The following GRK3 variants were observed in gnomAD, a reference collection of about 807,000 sequenced individuals.
GRK3 encodes G protein-coupled receptor kinase 3.
In GRK3, 54 loss-of-function variants were observed where a neutral mutation model predicts 95.7. The observed-to-expected ratio is 0.56, with a 90% confidence interval of 0.45 to 0.71. The LOEUF is 0.71. GRK3 is among the 30% of genes least tolerant of loss of function. GRK3 has a pLI of 0.00. For synonymous variants in GRK3, 281 were observed against 290.8 expected (o/e 0.97, Z 0.34); for missense variants, 649 against 851.2 (o/e 0.76, Z 2.96).
intron 3 of GRK3, chr22:25,648,358 C>A: frequency 7.7e-7 from 1 of 1,295,548 alleles, no homozygotes; most frequent in Non-Finnish European, 1.1e-6. Flanking sequence ...CACAAGTTAA[C>A]AACTGTGTGT....
chr22:25,688,888 T>G (rs1243754492), intron 11 of GRK3, among the ~76,000 whole-genome samples: 1 of 152,238 alleles, frequency 6.6e-6, no homozygotes, highest in Non-Finnish European at 1.5e-5. Context: ...ACTGACAATT[T>G]GCCAATAGGC....
At chr22:25,689,518 C>T (rs2085148424) in intron 11 of GRK3, among the ~76,000 whole-genome samples, 1 of 152,092 alleles carries the variant, frequency 6.6e-6, no homozygotes, top group South Asian at 2.1e-4. Context: ...ATTAAGATGA[C>T]TATAATTCAA....
At chr22:25,586,730 A>G (rs1233420902) in intron 1 of GRK3, among the ~76,000 whole-genome samples, 3 of 152,256 alleles carry the variant, frequency 2.0e-5, no homozygotes, top group Non-Finnish European at 4.4e-5. Context: ...TTACAGAGTG[A>G]TGGAGCTGTG....
intron 12 of GRK3, 81 bp from the exon 13 acceptor site, chr22:25,695,026 G>T: frequency 1.1e-6 from 1 of 916,260 alleles, no homozygotes; most frequent in African/African-American, 1.6e-5. Context: ...ATCTAATGAA[G>T]GACACCCGGA....
chr22:25,610,042 A>G (rs554515424), intron 2 of GRK3, among the ~76,000 whole-genome samples: 15 of 151,086 alleles, frequency 9.9e-5, no homozygotes, highest in African/African-American at 3.4e-4. Flanking sequence ...AAGGAGACAC[A>G]GGGTTTCACC....
intron 8 of GRK3, among the ~76,000 whole-genome samples, chr22:25,677,822 A>G (rs2085043831): frequency 6.6e-6 from 1 of 152,218 alleles, no homozygotes; most frequent in African/African-American, 2.4e-5. Flanking sequence ...ACTTGCAAGA[A>G]TTCCCTTTTA....
At chr22:25,685,010 T>C (rs1040401007) in intron 9 of GRK3, among the ~76,000 whole-genome samples, 160 bp from the exon 10 acceptor site, 1 of 152,316 alleles carries the variant, frequency 6.6e-6, no homozygotes, top group East Asian at 1.9e-4. Context: ...AACATAGATA[T>C]GTGTCAAAAC....
At chr22:25,706,584 G>A (rs1428143995) in intron 15 of GRK3, among the ~76,000 whole-genome samples, 3 of 152,082 alleles carry the variant, frequency 2.0e-5, no homozygotes, top group Non-Finnish European at 4.4e-5. Flanking sequence ...AGGTTGGAGT[G>A]CAGTGGCACA....
At chr22:25,670,629 T>TCCTCCCTC (rs1176237613) in intron 6 of GRK3, among the ~76,000 whole-genome samples, 5 of 152,038 alleles carry the variant, frequency 3.3e-5, no homozygotes, top group Admixed American at 1.3e-4. Context: ...CTTCCTCCCT[T>TCCTCCCTC]CCTCCCTCTC....
intron 2 of GRK3, among the ~76,000 whole-genome samples, chr22:25,642,397 C>T (rs1487106522): frequency 6.6e-6 from 1 of 152,176 alleles, no homozygotes; most frequent in African/African-American, 2.4e-5. Context: ...CGCGCCATTG[C>T]ACTCCAGCCT....
chr22:25,663,587 G>T, intron 4 of GRK3, 43 bp from the exon 5 acceptor site: 1 of 1,337,148 alleles, frequency 7.5e-7, no homozygotes, highest in South Asian at 1.3e-5. Flanking sequence ...ACACAGATTG[G>T]TTACATTTTA....
intron 1 of GRK3, among the ~76,000 whole-genome samples, chr22:25,574,315 T>C (rs1601444166): frequency 6.6e-6 from 1 of 152,102 alleles, no homozygotes; most frequent in South Asian, 2.1e-4. Flanking sequence ...TGAAACCCTG[T>C]CTCTACCAAA....
chr22:25,612,508 G>T (rs1406024934), intron 2 of GRK3, among the ~76,000 whole-genome samples: 4 of 125,726 alleles, frequency 3.2e-5, no homozygotes, highest in Non-Finnish European at 5.9e-5. Context: ...ATGTCTGCAT[G>T]TGTGTGTGTG....
chr22:25,711,904 C>T (rs1168283607), intron 17 of GRK3, among the ~76,000 whole-genome samples: 1 of 152,176 alleles, frequency 6.6e-6, no homozygotes, highest in East Asian at 1.9e-4. Flanking sequence ...GGCTGCAGCA[C>T]TATTAAAACA....
intron 1 of GRK3, among the ~76,000 whole-genome samples, chr22:25,579,563 C>G (rs1212430349): frequency 2.0e-5 from 3 of 151,924 alleles, no homozygotes; most frequent in Non-Finnish European, 4.4e-5. Context: ...AGCTCCATCT[C>G]CCGGGTTCAC....
intron 3 of GRK3, among the ~76,000 whole-genome samples, chr22:25,657,684 T>C (rs1225929087): frequency 6.6e-6 from 1 of 152,056 alleles, no homozygotes; most frequent in Non-Finnish European, 1.5e-5. Flanking sequence ...GTTTGCTGAG[T>C]TTCTTGAATC....
intron 2 of GRK3, among the ~76,000 whole-genome samples, chr22:25,612,923 A>T (rs2084509912): frequency 6.6e-6 from 1 of 152,250 alleles, no homozygotes; most frequent in South Asian, 2.1e-4. Context: ...TGCTTATTTT[A>T]AAAATTTGGT....
At chr22:25,568,712 G>T (rs967518503) in intron 1 of GRK3, among the ~76,000 whole-genome samples, 3 of 152,122 alleles carry the variant, frequency 2.0e-5, no homozygotes, top group Non-Finnish European at 2.9e-5. Flanking sequence ...GAGCCAAGAA[G>T]GATGTTTGCT....
intron 6 of GRK3, among the ~76,000 whole-genome samples, chr22:25,669,101 G>A (rs2084961606): frequency 6.6e-6 from 1 of 152,146 alleles, no homozygotes; most frequent in Non-Finnish European, 1.5e-5. Flanking sequence ...TTCATGTCAG[G>A]TGATAAGTTT....
Sources: gnomAD v4.1 joint callset for allele counts (sites outside exome capture counted in the v4.1 genomes callset) on GRCh38, gnomAD v4.1.1 for gene constraint, MANE v1.5 for transcripts, NCBI Gene and HGNC (gene_info 2026-07-23, HGNC 2026-07-21) for gene names.